DLG2: variants seen among roughly 807,000 people sequenced by gnomAD.
The protein encoded by DLG2 is disks large homolog 2.
In DLG2, 45 loss-of-function variants were observed where a neutral mutation model predicts 132.5. That is an observed-to-expected ratio of 0.34 (90% confidence interval 0.27 to 0.44). The LOEUF (loss-of-function observed/expected upper bound fraction) is 0.44, where lower values mean the gene tolerates loss of function less well. Among genes scored for constraint, DLG2 ranks in the 20% least tolerant of loss-of-function variants. The pLI is 1.00. For synonymous variants in DLG2, 424 were observed against 419.6 expected (o/e 1.01, Z -0.13); for missense variants, 1,045 against 1,196.9 (o/e 0.87, Z 1.87).
intron 21 of DLG2, among the ~76,000 whole-genome samples, chr11:83,521,392 G>T (rs887466706): frequency 2.0e-5 from 3 of 152,184 alleles, no homozygotes; most frequent in Non-Finnish European, 2.9e-5. Context: ...GTTTACTTTA[G>T]TGACAATTTT....
At chr11:84,535,896 T>A (rs1218540312) in intron 6 of DLG2, among the ~76,000 whole-genome samples, 1 of 151,664 alleles carries the variant, frequency 6.6e-6, no homozygotes, top group East Asian at 1.9e-4. Flanking sequence ...AATTGTGATG[T>A]CTAACTTCTT....
intron 17 of DLG2, chr11:83,791,491 G>A (rs924315198): frequency 3.7e-5 from 25 of 674,458 alleles, no homozygotes; most frequent in Admixed American, 9.8e-5. Context: ...GCTAGCGATG[G>A]TTGTTGTACT....
chr11:85,509,425 G>A (rs114108051), intron 3 of DLG2, among the ~76,000 whole-genome samples: 10 of 152,138 alleles, frequency 6.6e-5, no homozygotes, highest in African/African-American at 2.4e-4. Context: ...TTACTACACA[G>A]TACAAGGCAC....
intron 3 of DLG2, among the ~76,000 whole-genome samples, chr11:85,555,739 A>C (rs2076908899): frequency 6.6e-6 from 1 of 151,944 alleles, no homozygotes; most frequent in East Asian, 1.9e-4. Flanking sequence ...GAGATTATCT[A>C]GGGAACTCTG....
chr11:84,525,704 ATT>A (rs1358590650), intron 7 of DLG2, among the ~76,000 whole-genome samples: 3 of 152,134 alleles, frequency 2.0e-5, no homozygotes, highest in African/African-American at 7.2e-5. Context: ...GTCACCCCTC[ATT>A]ACCTACAAGG....
intron 6 of DLG2, among the ~76,000 whole-genome samples, chr11:85,083,918 A>T (rs1005169217): frequency 1.3e-5 from 2 of 152,106 alleles, no homozygotes; most frequent in Non-Finnish European, 2.9e-5. Flanking sequence ...GCCTAAACTC[A>T]TGTTTCAGAT....
intron 6 of DLG2, chr11:84,640,675 C>G (rs927700727): frequency 5.7e-6 from 1 of 176,148 alleles, no homozygotes; most frequent in African/African-American, 2.4e-5. Context: ...GGCATGGTAG[C>G]TCACACCTGG....
At chr11:84,282,564 T>C (rs933321600) in intron 7 of DLG2, among the ~76,000 whole-genome samples, 5 of 152,172 alleles carry the variant, frequency 3.3e-5, no homozygotes, top group Admixed American at 6.5e-5. Context: ...GGAAGTCTTA[T>C]ACTCCTGGGG....
intron 18 of DLG2, among the ~76,000 whole-genome samples, chr11:83,732,983 T>G (rs1052086032): frequency 6.6e-6 from 1 of 152,102 alleles, no homozygotes; most frequent in African/African-American, 2.4e-5. Context: ...GGCTCACGCC[T>G]GTAATCCCAG....
At chr11:83,663,414 A>T (rs2074805605) in intron 18 of DLG2, among the ~76,000 whole-genome samples, 1 of 152,152 alleles carries the variant, frequency 6.6e-6, no homozygotes, top group Non-Finnish European at 1.5e-5. Flanking sequence ...CCAGAGCACC[A>T]TTGCAGCTGA....
chr11:85,384,343 C>T (rs762570564), intron 3 of DLG2, among the ~76,000 whole-genome samples: 19 of 152,168 alleles, frequency 1.2e-4, no homozygotes, highest in Non-Finnish European at 2.1e-4. Context: ...AATTGACAAG[C>T]TGATCCTAAA....
chr11:85,405,164 T>G (rs1437048987), intron 3 of DLG2, among the ~76,000 whole-genome samples: 1 of 151,986 alleles, frequency 6.6e-6, no homozygotes, highest in East Asian at 1.9e-4. Flanking sequence ...AGATTTGTGC[T>G]CAGTCCCAGC....
intron 9 of DLG2, among the ~76,000 whole-genome samples, chr11:84,126,118 G>A (rs572765113): frequency 6.6e-6 from 1 of 152,300 alleles, no homozygotes; most frequent in Non-Finnish European, 1.5e-5. Flanking sequence ...GAACTGGAGT[G>A]TAACTCATGG....
At chr11:83,967,103 T>G (rs376093392) in intron 12 of DLG2, among the ~76,000 whole-genome samples, 148 of 152,232 alleles carry the variant, frequency 9.7e-4, no homozygotes, top group African/African-American at 3.5e-3. Context: ...TCATTGTGCA[T>G]ATATACCACA....
chr11:83,646,218 C>T (rs1171246745), intron 18 of DLG2, among the ~76,000 whole-genome samples: 1 of 152,116 alleles, frequency 6.6e-6, no homozygotes, highest in Admixed American at 6.6e-5. Flanking sequence ...AGACAAAAGC[C>T]AGTCTTGAGT....
intron 9 of DLG2, among the ~76,000 whole-genome samples, chr11:84,127,437 C>G (rs2094225579): frequency 6.6e-6 from 1 of 152,186 alleles, no homozygotes; most frequent in African/African-American, 2.4e-5. Flanking sequence ...TCTCACAGTA[C>G]TGGAGGCTAG....
At chr11:85,108,086 T>A (rs1008776429) in intron 6 of DLG2, among the ~76,000 whole-genome samples, 8 of 151,860 alleles carry the variant, frequency 5.3e-5, no homozygotes, top group African/African-American at 1.9e-4. Flanking sequence ...AATATGTAAC[T>A]GGTGACAGAC....
intron 4 of DLG2, among the ~76,000 whole-genome samples, chr11:85,247,686 G>A (rs2076204578): frequency 6.6e-6 from 1 of 151,986 alleles, no homozygotes; most frequent in Non-Finnish European, 1.5e-5. Flanking sequence ...AGAGACAAGG[G>A]ATAGCTCAGG....
intron 6 of DLG2, among the ~76,000 whole-genome samples, chr11:84,764,664 C>A (rs2068141726): frequency 6.6e-6 from 1 of 151,812 alleles, no homozygotes; most frequent in Non-Finnish European, 1.5e-5. Context: ...AATAGAAGAG[C>A]ATATATATGG....
Sources: allele counts gnomAD v4.1 joint callset (sites outside exome capture counted in the v4.1 genomes callset), GRCh38; gene constraint gnomAD v4.1.1; transcripts MANE v1.5; gene names NCBI Gene and HGNC (gene_info 2026-07-23, HGNC 2026-07-21).